PRKCB: variants seen among roughly 807,000 people sequenced by gnomAD.
PRKCB encodes the protein protein kinase C beta type.
PRKCB carries 13 observed loss-of-function variants against 81.5 expected under a neutral mutation model. That is an observed-to-expected ratio of 0.16 (90% CI 0.10 to 0.25). The LOEUF (loss-of-function observed/expected upper bound fraction) is 0.25, where lower values mean the gene tolerates loss of function less well. Ranked by LOEUF, PRKCB falls within the 10% of genes least tolerant of loss-of-function variation. PRKCB has a pLI of 1.00. For missense variants in PRKCB, 509 were observed against 875.7 expected (o/e 0.58, Z 5.29); for synonymous variants, 335 against 321.4 (o/e 1.04, Z -0.45).
intron 5 of PRKCB, among the ~76,000 whole-genome samples, chr16:24,073,938 C>T (rs977664198): frequency 7.9e-5 from 12 of 151,968 alleles, no homozygotes; most frequent in South Asian, 2.1e-4. Context: ...GTCAGGAGAT[C>T]GAGACCATCC....
At chr16:24,086,790 A>C (rs1232867871) in intron 5 of PRKCB, among the ~76,000 whole-genome samples, 1 of 152,172 alleles carries the variant, frequency 6.6e-6, no homozygotes, top group South Asian at 2.1e-4. Context: ...ATTTTAAATC[A>C]ATTTTGGGTA....
intron 2 of PRKCB, among the ~76,000 whole-genome samples, chr16:23,944,333 C>G (rs1964177198): frequency 6.6e-6 from 1 of 152,072 alleles, no homozygotes. Context: ...TAAAATTATC[C>G]TTCTGTAGGT....
intron 3 of PRKCB, among the ~76,000 whole-genome samples, chr16:23,995,039 T>C (rs760165515): frequency 1.3e-5 from 2 of 152,186 alleles, no homozygotes; most frequent in Non-Finnish European, 2.9e-5. Flanking sequence ...GGGAAATAAA[T>C]CCAACTAAAA....
intron 5 of PRKCB, among the ~76,000 whole-genome samples, chr16:24,052,350 T>G (rs986304388): frequency 2.6e-5 from 4 of 152,174 alleles, no homozygotes; most frequent in Non-Finnish European, 5.9e-5. Context: ...CAGAAAGGGA[T>G]CCCGATCCAG....
At chr16:24,057,610 A>AG (rs1384141918) in intron 5 of PRKCB, among the ~76,000 whole-genome samples, 3 of 152,264 alleles carry the variant, frequency 2.0e-5, no homozygotes, top group African/African-American at 7.2e-5. Flanking sequence ...TCACTATAAA[A>AG]GGGGGGATTG....
chr16:23,988,668 A>G, intron 3 of PRKCB, 78 bp downstream of exon 3: 1 of 1,289,228 alleles, frequency 7.8e-7, no homozygotes, highest in Non-Finnish European at 1.1e-6. Context: ...GAGCATTCTT[A>G]GACGAGTAAG....
intron 9 of PRKCB, among the ~76,000 whole-genome samples, chr16:24,150,451 G>C (rs975964383): frequency 1.3e-5 from 2 of 152,192 alleles, no homozygotes; most frequent in Non-Finnish European, 2.9e-5. Context: ...TTGGGAGGGG[G>C]AATCCGATTG....
intron 15 of PRKCB, 149 bp downstream of exon 15, chr16:24,185,716 G>T: frequency 1.5e-6 from 1 of 667,422 alleles, no homozygotes; most frequent in Non-Finnish European, 2.6e-6. Flanking sequence ...ATGTGGAGCT[G>T]CTACCTCCCG....
intron 7 of PRKCB, among the ~76,000 whole-genome samples, chr16:24,108,661 G>A (rs1432154073): frequency 6.6e-6 from 1 of 150,438 alleles, no homozygotes; most frequent in Non-Finnish European, 1.5e-5. Context: ...GAGAGCACAG[G>A]GTTGGGGGTA....
intron 2 of PRKCB, among the ~76,000 whole-genome samples, chr16:23,931,945 T>C (rs1213236704): frequency 6.6e-6 from 1 of 152,204 alleles, no homozygotes; most frequent in Non-Finnish European, 1.5e-5. Context: ...TCAGTAATTA[T>C]CAATCTCAAT....
intron 5 of PRKCB, among the ~76,000 whole-genome samples, chr16:24,073,031 G>T (rs550888652): frequency 6.6e-6 from 1 of 152,310 alleles, no homozygotes; most frequent in East Asian, 1.9e-4. Flanking sequence ...ATGCCAGCTG[G>T]CAACTAAGAA....
chr16:23,907,117 G>A (rs1963571890), intron 2 of PRKCB, among the ~76,000 whole-genome samples: 1 of 152,166 alleles, frequency 6.6e-6, no homozygotes. Context: ...CCCATGTAGT[G>A]TAGGATGTTT....
intron 15 of PRKCB, among the ~76,000 whole-genome samples, chr16:24,189,252 C>G (rs1475495530): frequency 6.6e-6 from 1 of 152,212 alleles, no homozygotes; most frequent in Non-Finnish European, 1.5e-5. Context: ...CTCAACTTCT[C>G]TGAGTGTTCA....
At chr16:24,083,558 G>A (rs749691114) in intron 5 of PRKCB, among the ~76,000 whole-genome samples, 1 of 152,182 alleles carries the variant, frequency 6.6e-6, no homozygotes, top group Admixed American at 6.5e-5. Flanking sequence ...GCCCTTTGCC[G>A]AGAAAGAGAA....
intron 2 of PRKCB, chr16:23,869,229 T>C (rs1288409784): frequency 4.9e-6 from 2 of 404,456 alleles, no homozygotes; most frequent in South Asian, 1.7e-5. Flanking sequence ...GGTTTAGCCA[T>C]TGTTCTTCCC....
chr16:23,851,279 TA>T (rs923535087), intron 2 of PRKCB, among the ~76,000 whole-genome samples: 1 of 152,254 alleles, frequency 6.6e-6, no homozygotes, highest in African/African-American at 2.4e-5. Flanking sequence ...GATAAAGGTC[TA>T]ATTGCATTCT....
At chr16:23,981,130 A>G (rs917872828) in intron 2 of PRKCB, among the ~76,000 whole-genome samples, 4 of 152,140 alleles carry the variant, frequency 2.6e-5, no homozygotes, top group African/African-American at 9.7e-5. Flanking sequence ...AGATGTCAAC[A>G]TTCTGAACAG....
chr16:23,931,941 A>G (rs1384602330), intron 2 of PRKCB, among the ~76,000 whole-genome samples: 1 of 152,190 alleles, frequency 6.6e-6, no homozygotes, highest in Admixed American at 6.5e-5. Context: ...AATTTCAGTA[A>G]TTATCAATCT....
intron 3 of PRKCB, among the ~76,000 whole-genome samples, chr16:24,030,598 G>T (rs1567350558): frequency 6.6e-6 from 1 of 151,946 alleles, no homozygotes; most frequent in Non-Finnish European, 1.5e-5. Context: ...GATCAAATTA[G>T]CTGGGCATGG....
Sources: gnomAD v4.1 joint callset for allele counts (sites outside exome capture counted in the v4.1 genomes callset) on GRCh38, gnomAD v4.1.1 for gene constraint, MANE v1.5 for transcripts, NCBI Gene and HGNC (gene_info 2026-07-23, HGNC 2026-07-21) for gene names.